NALF1: variants seen among roughly 807,000 people sequenced by gnomAD.
The protein encoded by NALF1 is NALCN channel auxiliary factor 1.
Under a neutral mutation model 48.4 loss-of-function variants are expected in NALF1, and 3 were observed. The ratio of observed to expected loss-of-function variants is 0.06; its 90% CI spans 0.03 to 0.16. NALF1 has a LOEUF of 0.16. Among genes scored for constraint, NALF1 ranks in the 10% least tolerant of loss-of-function variants. NALF1 has a pLI of 1.00. For missense variants in NALF1, 526 were observed against 571.5 expected (o/e 0.92, Z 0.81); for synonymous variants, 262 against 245.7 (o/e 1.07, Z -0.62).
intron 1 of NALF1, among the ~76,000 whole-genome samples, chr13:107,622,971 C>T (rs1017391186): frequency 6.6e-6 from 1 of 152,110 alleles, no homozygotes; most frequent in Non-Finnish European, 1.5e-5. Flanking sequence ...ATTAAACAAA[C>T]CTGCTTTAAC....
At chr13:107,442,409 T>G (rs1884575505) in intron 1 of NALF1, among the ~76,000 whole-genome samples, 1 of 152,242 alleles carries the variant, frequency 6.6e-6, no homozygotes, top group African/African-American at 2.4e-5. Flanking sequence ...GCCAATTCAC[T>G]TGGCTCTCTT....
intron 1 of NALF1, among the ~76,000 whole-genome samples, chr13:107,576,280 T>C (rs1163190677): frequency 4.6e-5 from 7 of 152,218 alleles, no homozygotes; most frequent in African/African-American, 1.7e-4. Context: ...AATTTATACA[T>C]GTTTGCTAAC....
intron 1 of NALF1, among the ~76,000 whole-genome samples, chr13:107,850,687 G>C (rs182988454): frequency 1.1e-4 from 17 of 152,282 alleles, no homozygotes; most frequent in Non-Finnish European, 2.1e-4. Context: ...TGGATTACCT[G>C]AGGTCAGGAG....
chr13:107,459,690 C>T (rs573462292), intron 1 of NALF1, among the ~76,000 whole-genome samples: 44 of 152,144 alleles, frequency 2.9e-4, no homozygotes, highest in African/African-American at 1.0e-3. Context: ...GTAAAAATCC[C>T]CTGTATGTAA....
intron 1 of NALF1, among the ~76,000 whole-genome samples, chr13:107,327,397 T>C (rs1220386420): frequency 6.6e-6 from 1 of 152,220 alleles, no homozygotes; most frequent in Non-Finnish European, 1.5e-5. Context: ...TCAAGAGAGA[T>C]CATTTTATAA....
rs1404280554 is a variant in NALF1, at chr13:107,205,095, A to T, written c.1087+5489T>A. Among the ~76,000 whole-genome samples, 10 of 151,548 alleles carry T rather than the reference A, an allele frequency of 6.6e-5. No individual in the cohort carries two copies. In the East Asian group the frequency reaches 2.0e-3, roughly 30 times the overall value. The stretch of plus-strand genomic sequence containing the variant: ...ATGTATACATGTGCCACGCTGGTGG[A>T]GCTGCACCCACTAACTCGTCATCTA... On this transcript the variant is annotated intron_variant, in intron 2 of 2. Coordinates refer to ENST00000375915, the MANE Select transcript of NALF1 (RefSeq NM_001080396.3).
chr13:107,422,409 G>A (rs1303562011), intron 1 of NALF1, among the ~76,000 whole-genome samples: 3 of 152,072 alleles, frequency 2.0e-5, no homozygotes, highest in Admixed American at 6.6e-5. Context: ...GAAATTCCAC[G>A]ACACATTAGA....
intron 1 of NALF1, among the ~76,000 whole-genome samples, chr13:107,780,505 T>C (rs1877857990): frequency 9.0e-6 from 1 of 111,004 alleles, no homozygotes; most frequent in Non-Finnish European, 2.0e-5. Context: ...AGTTTTAACT[T>C]TTTTTTTTTT....
In NALF1 at chr13:107,194,072, C is replaced by T. The variant is rs114843492; in HGVS notation, c.1087+16512G>A. ...TCTATCTATCTATATATCAATCTAT[C>T]GTTTTAATGAATAATATACCTTGAT... On this transcript the variant is annotated intron_variant, in intron 2 of 2. Transcript: ENST00000375915. Among the ~76,000 whole-genome samples, 1,217 of 151,282 alleles carry T rather than the reference C, an allele frequency of 8.0e-3. 17 individuals carry two copies. The highest frequency in any genetic ancestry group is 0.028 in the African/African-American group (1,151 of 41,084).
At chr13:107,484,015 C>T (rs1267120836) in intron 1 of NALF1, among the ~76,000 whole-genome samples, 4 of 151,738 alleles carry the variant, frequency 2.6e-5, no homozygotes, top group Non-Finnish European at 5.9e-5. Flanking sequence ...GTTTTATTCA[C>T]CGTTTAACAG....
intron 1 of NALF1, among the ~76,000 whole-genome samples, chr13:107,700,759 TA>T (rs1881799301): frequency 6.6e-6 from 1 of 151,946 alleles, no homozygotes. Context: ...CCAAAATTTA[TA>T]AAGAACTCTT....
chr13:107,387,107 T>C (rs969953322), intron 1 of NALF1, among the ~76,000 whole-genome samples: 2 of 152,162 alleles, frequency 1.3e-5, no homozygotes, highest in Non-Finnish European at 1.5e-5. Flanking sequence ...GATGCATCCC[T>C]GGGTAGAAAA....
Position 107,469,733 on chromosome 13 carries a change from CTTTTTTTTTTT to C in NALF1, c.916-258989_916-258979del, listed in dbSNP as rs61241553. On this transcript the variant is annotated intron_variant, in intron 1 of 2. Coordinates refer to ENST00000375915, the MANE Select transcript of NALF1 (RefSeq NM_001080396.3). ...TAAATGCGATGAGTCAACTGTGTAT[CTTTTTTTTTTT>C]TTTTTTTTTTTTTTTTTGAGACAGC... Among the ~76,000 whole-genome samples the C allele has an allele frequency of 1.5e-4, 12 of 79,952 alleles. No homozygotes were observed. In the East Asian group the frequency reaches 3.1e-3, roughly 21 times the overall value. The allele number at this position is 79,952 out of a possible 152,430, so 52.5% of individuals were successfully genotyped here.
chr13:107,240,611 G>A (rs572422287), intron 1 of NALF1, among the ~76,000 whole-genome samples: 3 of 152,144 alleles, frequency 2.0e-5, no homozygotes, highest in African/African-American at 7.2e-5. Flanking sequence ...ACTATAAAAC[G>A]TGCTTTAGAA....
At chr13:107,478,138 G>T (rs1387109022) in intron 1 of NALF1, among the ~76,000 whole-genome samples, 1 of 152,100 alleles carries the variant, frequency 6.6e-6, no homozygotes, top group Non-Finnish European at 1.5e-5. Flanking sequence ...AACCTTAAAT[G>T]AAGCCATTCT....
chr13:107,633,747 CAT>C (rs1879896405), intron 1 of NALF1, among the ~76,000 whole-genome samples: 1 of 145,682 alleles, frequency 6.9e-6, no homozygotes, highest in African/African-American at 2.5e-5. Flanking sequence ...ATATGAAACA[CAT>C]ATATATGGAA....
At chr13:107,311,375 A>C (rs1882042248) in intron 1 of NALF1, among the ~76,000 whole-genome samples, 1 of 152,172 alleles carries the variant, frequency 6.6e-6, no homozygotes, top group Non-Finnish European at 1.5e-5. Context: ...TTGCTTCTTT[A>C]ATTTGAAAAC....
intron 1 of NALF1, among the ~76,000 whole-genome samples, chr13:107,622,749 TTATTTATG>T (rs1400177031): frequency 6.6e-6 from 1 of 152,220 alleles, no homozygotes; most frequent in African/African-American, 2.4e-5. Flanking sequence ...TATTTTTTAT[TTATTTATG>T]TATTTATTTA....
intron 1 of NALF1, among the ~76,000 whole-genome samples, chr13:107,488,199 C>CT (rs948527022): frequency 3.4e-5 from 5 of 145,702 alleles, no homozygotes; most frequent in South Asian, 2.2e-4. Context: ...ATTTTATTAA[C>CT]TTTTTTTTCA....
Sources: gnomAD v4.1 joint callset for allele counts (sites outside exome capture counted in the v4.1 genomes callset) on GRCh38, gnomAD v4.1.1 for gene constraint, MANE v1.5 for transcripts, NCBI Gene and HGNC (gene_info 2026-07-23, HGNC 2026-07-21) for gene names.